KIF17: variants seen among roughly 807,000 people sequenced by gnomAD.
KIF17 encodes kinesin-like protein KIF17.
In KIF17, 80 loss-of-function variants were observed where a neutral mutation model predicts 96.8. The observed-to-expected ratio is 0.83, with a 90% confidence interval of 0.69 to 1.00. KIF17 has a LOEUF of 1.00. KIF17 is among the 50% of genes least tolerant of loss of function. The pLI, the probability that KIF17 is intolerant of heterozygous loss-of-function variation, is 0.00. For missense variants in KIF17, 1,280 were observed against 1,372.9 expected (o/e 0.93, Z 1.07); for synonymous variants, 567 against 587.5 (o/e 0.97, Z 0.51).
At chr1:20,684,258 C>T (rs1039167363) in intron 10 of KIF17, among the ~76,000 whole-genome samples, 1 of 152,262 alleles carries the variant, frequency 6.6e-6, no homozygotes, top group Non-Finnish European at 1.5e-5. Context: ...GGGCCCAGCA[C>T]TCAGGGGTCG....
rs1419671246 is a variant in KIF17, at chr1:20,668,137, C to T, written c.2791-1806G>A. On this transcript the variant is annotated intron_variant, in intron 13 of 14. Transcript: ENST00000400463. ...CATCCTGGCTAACATGGTGAAACCCCGTCTCTACTAAAAATACAAAAAATT... is the reference window on the plus strand; with the variant it reads ...CATCCTGGCTAACATGGTGAAACCCTGTCTCTACTAAAAATACAAAAAATT... 5.3e-5 allele frequency among the ~76,000 whole-genome samples: 8 copies of T among 152,026 alleles called. No homozygotes were observed. In the South Asian group the frequency reaches 6.2e-4, roughly 12 times the overall value.
downstream of KIF17, among the ~76,000 whole-genome samples, chr1:20,662,023 T>C (rs1423012401): frequency 6.6e-6 from 1 of 152,222 alleles, no homozygotes; most frequent in East Asian, 1.9e-4. Flanking sequence ...CCAAGTTGCA[T>C]CTCTCACTAG....
chr1:20,682,935 G>T, intron 10 of KIF17, 51 bp from the exon 11 acceptor site: 3 of 1,519,030 alleles, frequency 2.0e-6, no homozygotes, highest in Non-Finnish European at 2.7e-6. Context: ...CCATCACCGA[G>T]CACGTGCCAT....
At chr1:20,703,896 C>T (rs2054290185) in intron 5 of KIF17, among the ~76,000 whole-genome samples, 1 of 151,558 alleles carries the variant, frequency 6.6e-6, no homozygotes, top group Admixed American at 6.6e-5. Context: ...ATGCCACTGC[C>T]CTCCAGCCTG....
chr1:20,714,939 C>T (rs2054550979), intron 2 of KIF17, among the ~76,000 whole-genome samples: 1 of 152,158 alleles, frequency 6.6e-6, no homozygotes, highest in Non-Finnish European at 1.5e-5. Flanking sequence ...ACAGTGGGTT[C>T]TGCAGCTGAT....
chr1:20,710,693 G>C (rs553430791), intron 3 of KIF17, among the ~76,000 whole-genome samples: 3 of 152,212 alleles, frequency 2.0e-5, no homozygotes, highest in Non-Finnish European at 4.4e-5. Context: ...GGGGGTCCCA[G>C]GTGGGCTCAG....
chr1:20,707,787 A>ATGTGTGTG lies in KIF17; in HGVS notation c.670+1844_670+1851dup, dbSNP rs3077930. Among the ~76,000 whole-genome samples, 988 of 124,528 alleles carry ATGTGTGTG rather than the reference A, an allele frequency of 7.9e-3. 15 individuals are homozygous for ATGTGTGTG. The highest frequency in any genetic ancestry group is 0.02 in the African/African-American group (607 of 30,508). 81.7% of individuals were successfully genotyped at this position (124,528 alleles called of 152,430 possible). On this transcript the variant is annotated intron_variant, in intron 4 of 14. Coordinates refer to ENST00000400463, the MANE Select transcript of KIF17 (RefSeq NM_001122819.3). ...CAAAAAAAAAAACAAACCAATGTGT[A>ATGTGTGTG]TGTGTGTGTGTGTGTGTGTGTGTGT...
Position 20,715,627 on chromosome 1 carries a change from C to T in KIF17, c.244G>A (p.Gly82Ser). The change falls in exon 2 of 15, where the codon GGC (glycine) becomes AGC (serine). Residue 82 changes from glycine (G) to serine (S), a missense_variant. Gly to Ser is a moderately conservative substitution (Grantham distance 56). Coordinates refer to ENST00000400463, the MANE Select transcript of KIF17 (RefSeq NM_001122819.3). ...AYPLVEGVTEGYNGTIFAYGQ... is the reference protein window; with the variant it reads ...AYPLVEGVTESYNGTIFAYGQ... ...TAGGCAAAGATGGTGCCATTGTAGC[C>T]CTCAGTGACGCCCTGCATGGGAGGA... is the stretch of plus-strand genomic sequence containing the variant. 6.2e-7 allele frequency: 1 copy of T among 1,613,338 alleles called. No homozygotes were observed. Among genetic ancestry groups the T allele is most frequent in the Non-Finnish European group, 8.5e-7 (1 of 1,179,666 alleles).
chr1:20,701,248 G>A lies in KIF17; in HGVS notation c.1124-2760C>T, dbSNP rs202132218. Among the ~76,000 whole-genome samples the A allele has an allele frequency of 2.3e-4, 35 of 152,244 alleles. No homozygotes were observed. In the East Asian group the frequency reaches 3.9e-3, roughly 17 times the overall value. ...TGATTGAGACCATCCTGGCTAACAC[G>A]GTAAAACCCCATCTCTACTAAAAAT... On this transcript the variant is annotated intron_variant, in intron 5 of 14. Coordinates refer to ENST00000400463, the MANE Select transcript of KIF17 (RefSeq NM_001122819.3).
In KIF17 at chr1:20,685,980, G is replaced by T; in HGVS notation, c.2019+66C>A. 1 of 1,284,218 alleles carries T rather than the reference G, an allele frequency of 7.8e-7. No homozygotes were observed. Among genetic ancestry groups the T allele is most frequent in the Non-Finnish European group, 1.1e-6 (1 of 903,700 alleles). 79.6% of individuals were successfully genotyped at this position (1,284,218 alleles called of 1,614,324 possible). A position where few individuals can be genotyped will look rare whatever the true frequency, so the allele number is the denominator to read the frequency against. On this transcript the variant is annotated intron_variant, in intron 9 of 14. Coordinates refer to ENST00000400463, the MANE Select transcript of KIF17 (RefSeq NM_001122819.3). The surrounding 1 kb of genome is among the most constrained non-coding windows in gnomAD (Gnocchi z 4.1). ...TGAAGCTCAGGGAGGGAGAAGACAA[G>T]CTGGAGTTTCCCAGGAAGTTGAAGA...
chr1:20,682,857 C>G lies in KIF17; in HGVS notation c.2259G>C (p.Val753=), dbSNP rs753967263. 6.2e-7 allele frequency: 1 copy of G among 1,611,606 alleles called. No homozygotes were observed. Among genetic ancestry groups the G allele is most frequent in the African/African-American group, 1.3e-5 (1 of 74,946 alleles). ...ARLQLLEQQV[V]GGEQAKNKDL... ...CCTTGTTCTTGGCCTGCTCTCCACC[C>G]ACAACCTGCTGCTCCAACAGCTGCA... Residue 753 remains valine (V), a synonymous_variant, in exon 11 of 15, where the codon GTG becomes GTC. Coordinates refer to ENST00000400463, the MANE Select transcript of KIF17 (RefSeq NM_001122819.3).
intron 6 of KIF17, among the ~76,000 whole-genome samples, chr1:20,695,665 C>A (rs1006019986): frequency 6.6e-6 from 1 of 151,994 alleles, no homozygotes; most frequent in Admixed American, 6.6e-5. Flanking sequence ...CACCTTCCCA[C>A]CCACCTGGAG....
At chr1:20,698,938 G>A (rs1357833290) in intron 5 of KIF17, among the ~76,000 whole-genome samples, 1 of 152,040 alleles carries the variant, frequency 6.6e-6, no homozygotes, top group African/African-American at 2.4e-5. Flanking sequence ...CAGTTAGAAG[G>A]GTTGCAATTT....
chr1:20,690,352 G>GCCGCA lies in KIF17; in HGVS notation c.1234-18_1234-17insTGCGG. On this transcript the variant is annotated splice_polypyrimidine_tract_variant and intron_variant, in intron 6 of 14. Coordinates refer to ENST00000400463, the MANE Select transcript of KIF17 (RefSeq NM_001122819.3). ...TTCATACTCCTGGGGGGGTGGGAGG[G>GCCGCA]ACCAGAGGGCAGGCAGCATTTTATC... The GCCGCA allele has an allele frequency of 2.2e-6, 1 of 451,154 alleles. No individual in the cohort carries two copies. Among genetic ancestry groups the GCCGCA allele is most frequent in the Non-Finnish European group, 4.3e-6 (1 of 235,134 alleles). 27.9% of individuals were successfully genotyped at this position (451,154 alleles called of 1,614,324 possible).
chr1:20,715,789 G>A, intron 1 of KIF17, 150 bp from the exon 2 acceptor site: 1 of 936,670 alleles, frequency 1.1e-6, no homozygotes, highest in Non-Finnish European at 1.7e-6. Context: ...GCGCAGCTCT[G>A]TCCTCAAGGA....
At chr1:20,668,787 G>C (rs1032760026) in intron 13 of KIF17, among the ~76,000 whole-genome samples, 2 of 152,204 alleles carry the variant, frequency 1.3e-5, no homozygotes, top group Admixed American at 1.3e-4. Context: ...CCATTCATTT[G>C]TGTATTACCT....
chr1:20,675,007 C>T (rs911541284), intron 11 of KIF17, among the ~76,000 whole-genome samples: 22 of 151,886 alleles, frequency 1.4e-4, no homozygotes, highest in Admixed American at 1.2e-3. Context: ...TAAAATTAGC[C>T]GGACATGGTG....
chr1:20,717,611 G>A lies in KIF17; in HGVS notation c.96C>T (p.Cys32=). 2 of 1,610,136 alleles carry A rather than the reference G, an allele frequency of 1.2e-6. No homozygotes were observed. The highest frequency in any genetic ancestry group is 8.5e-7 in the Non-Finnish European group (1 of 1,179,386). ...LRCQPVVTVD[C]ARAQCCIQNP... is the part of the protein sequence containing the mutation. ...TCTGGATGCAGCACTGGGCGCGCGCGCAGTCCACAGTCACCACGGGCTGGC... is the reference window on the plus strand; with the variant it reads ...TCTGGATGCAGCACTGGGCGCGCGCACAGTCCACAGTCACCACGGGCTGGC... The change falls in exon 1 of 15, where the codon TGC becomes TGT. Residue 32 remains cysteine, a synonymous_variant. Coordinates refer to ENST00000400463, the MANE Select transcript of KIF17 (RefSeq NM_001122819.3).
At chr1:20,706,318 C>T (rs991219523) in intron 4 of KIF17, among the ~76,000 whole-genome samples, 7 of 151,076 alleles carry the variant, frequency 4.6e-5, no homozygotes, top group African/African-American at 9.7e-5. Context: ...AGGCTGGGTG[C>T]GGTGGCTCAT....
Sources: gnomAD v4.1 joint callset for allele counts (sites outside exome capture counted in the v4.1 genomes callset) on GRCh38, gnomAD v4.1.1 for gene constraint, Gnocchi (gnomAD v3.1) non-coding constraint, MANE v1.5 for transcripts, NCBI Gene and HGNC (gene_info 2026-07-23, HGNC 2026-07-21) for gene names.